KLHL20: variants seen among roughly 807,000 people sequenced by gnomAD.
The protein encoded by KLHL20 is kelch-like protein 20.
A neutral mutation model predicts 69.5 loss-of-function variants in KLHL20; 29 were observed. The ratio of observed to expected loss-of-function variants is 0.42; its 90% CI spans 0.31 to 0.57. KLHL20 has a LOEUF of 0.57. KLHL20 is among the 20% of genes least tolerant of loss of function. The pLI is 0.18. For missense variants in KLHL20, 419 were observed against 776.0 expected (o/e 0.54, Z 5.47); for synonymous variants, 253 against 265.2 (o/e 0.95, Z 0.45).
Position 173,739,354 on chromosome 1 carries a change from G to C in KLHL20, c.597+5068G>C, listed in dbSNP as rs191742041. On this transcript the variant is annotated intron_variant, in intron 3 of 11. Transcript: ENST00000209884. Reference sequence around the variant, plus strand: ...CCCAAAGTGCTGGGATTACAGGCACGAGCCATCACGCCTGGCCCAATTCTT... The same window carrying C: ...CCCAAAGTGCTGGGATTACAGGCACCAGCCATCACGCCTGGCCCAATTCTT... Among the ~76,000 whole-genome samples, 632 of 152,132 alleles carry C rather than the reference G, an allele frequency of 4.2e-3. 4 individuals are homozygous for C. Among genetic ancestry groups the C allele is most frequent in the African/African-American group, 0.014 (601 of 41,514 alleles).
At chr1:173,727,962 G>T (rs1035434360) in intron 2 of KLHL20, among the ~76,000 whole-genome samples, 1 of 142,042 alleles carries the variant, frequency 7.0e-6, no homozygotes, top group African/African-American at 2.5e-5. Flanking sequence ...TGGCAAATTG[G>T]ATAAAGAGTC....
At chr1:173,763,866 TAAA>T (rs60028962) in intron 7 of KLHL20, among the ~76,000 whole-genome samples, 2 of 119,516 alleles carry the variant, frequency 1.7e-5, no homozygotes, top group Admixed American at 8.5e-5. Context: ...GCAAATGCAA[TAAA>T]AAAAAAAAAA....
At position 173,753,448 on chromosome 1, in the gene KLHL20, C is replaced by T. The variant is rs185061864; in HGVS notation, c.851+141C>T. The T allele has an allele frequency of 7.0e-5, 45 of 643,960 alleles. No homozygotes were observed. In the East Asian group the frequency reaches 1.0e-3, roughly 14 times the overall value. The allele number at this position is 643,960 out of a possible 1,614,324, so 39.9% of individuals were successfully genotyped here. A position where few individuals can be genotyped will look rare whatever the true frequency, so the allele number is the denominator to read the frequency against. On this transcript the variant is annotated intron_variant, in intron 5 of 11. Coordinates refer to ENST00000209884, the MANE Select transcript of KLHL20 (RefSeq NM_014458.4). ...TAATTTAACAAGGTTTTCTTCTGGGCTAGAGTCAAGAGGAGGAAAAGAAGA... is the reference window on the plus strand; with the variant it reads ...TAATTTAACAAGGTTTTCTTCTGGGTTAGAGTCAAGAGGAGGAAAAGAAGA...
chr1:173,760,173 A>G (rs1673735340), intron 7 of KLHL20, among the ~76,000 whole-genome samples: 1 of 152,162 alleles, frequency 6.6e-6, no homozygotes, highest in South Asian at 2.1e-4. Flanking sequence ...AAAGACAAAG[A>G]AAAAAGAATA....
chr1:173,780,695 T>G (rs1197332207), intron 10 of KLHL20, among the ~76,000 whole-genome samples: 1 of 152,096 alleles, frequency 6.6e-6, no homozygotes, highest in Non-Finnish European at 1.5e-5. Flanking sequence ...GAGGATCACT[T>G]GAACCTAAGA....
chr1:173,748,785 A>T (rs927503393), intron 3 of KLHL20, among the ~76,000 whole-genome samples: 2 of 152,146 alleles, frequency 1.3e-5, no homozygotes, highest in Non-Finnish European at 2.9e-5. Flanking sequence ...TCTCTGCTTC[A>T]GAACGTTCTT....
At chr1:173,757,197 CAT>C (rs1361801408) in intron 7 of KLHL20, 38 bp downstream of exon 7, 1 of 1,506,838 alleles carries the variant, frequency 6.6e-7, no homozygotes, top group Non-Finnish European at 9.0e-7. Flanking sequence ...CTCTACTATT[CAT>C]ATAGTTTTAT....
chr1:173,756,207 GA>G (rs1673540199), intron 6 of KLHL20, among the ~76,000 whole-genome samples, 169 bp downstream of exon 6: 1 of 149,798 alleles, frequency 6.7e-6, no homozygotes, highest in Non-Finnish European at 1.5e-5. Flanking sequence ...TACTCCAAAA[GA>G]GTGCTCTATT....
At chr1:173,756,093 G>C in intron 6 of KLHL20, 55 bp downstream of exon 6, 1 of 1,253,774 alleles carries the variant, frequency 8.0e-7, no homozygotes, top group South Asian at 1.3e-5. Flanking sequence ...GTGAGAAACT[G>C]TCATTTGAAA....
At chr1:173,750,361 T>G (rs1673250306) in intron 3 of KLHL20, among the ~76,000 whole-genome samples, 1 of 152,190 alleles carries the variant, frequency 6.6e-6, no homozygotes, top group Non-Finnish European at 1.5e-5. Context: ...CAGAGTGCTG[T>G]GATGGTGGTA....
chr1:173,772,133 G>A (rs1648134894), intron 8 of KLHL20, among the ~76,000 whole-genome samples: 1 of 152,188 alleles, frequency 6.6e-6, no homozygotes, highest in African/African-American at 2.4e-5. Context: ...GAAATAAAGT[G>A]TCAGTGAACA....
chr1:173,736,589 A>G (rs1298858769), intron 3 of KLHL20, among the ~76,000 whole-genome samples: 1 of 150,782 alleles, frequency 6.6e-6, no homozygotes, highest in Non-Finnish European at 1.5e-5. Flanking sequence ...ATCCATGCCA[A>G]CATCTTTTTT....
At chr1:173,763,389 T>C (rs562248740) in intron 7 of KLHL20, among the ~76,000 whole-genome samples, 1 of 152,128 alleles carries the variant, frequency 6.6e-6, no homozygotes, top group East Asian at 1.9e-4. Flanking sequence ...AAAACAATTA[T>C]AAAGTTCATA....
At chr1:173,717,455 A>G (rs552155896) in intron 2 of KLHL20, among the ~76,000 whole-genome samples, 1 of 152,198 alleles carries the variant, frequency 6.6e-6, no homozygotes, top group Admixed American at 6.5e-5. Flanking sequence ...TAGCCTACTC[A>G]CATTGGTCTC....
At chr1:173,777,753 GA>G (rs771318514) in intron 10 of KLHL20, among the ~76,000 whole-genome samples, 3 of 152,168 alleles carry the variant, frequency 2.0e-5, no homozygotes, top group Non-Finnish European at 4.4e-5. Flanking sequence ...GCATCCCTGG[GA>G]TAATTTCTAC....
intron 8 of KLHL20, among the ~76,000 whole-genome samples, 194 bp from the exon 9 acceptor site, chr1:173,774,111 A>C (rs1648294818): frequency 6.6e-6 from 1 of 152,206 alleles, no homozygotes; most frequent in Admixed American, 6.5e-5. Context: ...TGAGTGTAGA[A>C]AATAGCTTAA....
chr1:173,728,082 G>A (rs1672066812), intron 2 of KLHL20, among the ~76,000 whole-genome samples: 2 of 151,916 alleles, frequency 1.3e-5, no homozygotes, highest in African/African-American at 4.8e-5. Context: ...GAAAACAAAG[G>A]CAGGGGTTGC....
At chr1:173,725,826 A>T in intron 2 of KLHL20, among the ~76,000 whole-genome samples, 1 of 152,230 alleles carries the variant, frequency 6.6e-6, no homozygotes, top group East Asian at 1.9e-4. Flanking sequence ...TGAGCGATGC[A>T]GAAGACGAAT....
chr1:173,778,457 T>C (rs1000116178), intron 10 of KLHL20, among the ~76,000 whole-genome samples: 1 of 152,050 alleles, frequency 6.6e-6, no homozygotes, highest in African/African-American at 2.4e-5. Flanking sequence ...GTCTCCCCAT[T>C]AGCTGGGACT....
Sources: allele counts gnomAD v4.1 joint callset (sites outside exome capture counted in the v4.1 genomes callset), GRCh38; gene constraint gnomAD v4.1.1; transcripts MANE v1.5; gene names NCBI Gene and HGNC (gene_info 2026-07-23, HGNC 2026-07-21).